The following AQR variants were observed in gnomAD, a reference collection of about 807,000 sequenced individuals.
AQR encodes RNA helicase aquarius.
Under a neutral mutation model 180.5 loss-of-function variants are expected in AQR, and 61 were observed. That is an observed-to-expected ratio of 0.34 (90% CI 0.28 to 0.42). AQR has a LOEUF of 0.42. AQR is among the 10% of genes least tolerant of loss of function. The pLI, the probability that AQR is intolerant of heterozygous loss-of-function variation, is 1.00. For synonymous variants in AQR, 551 were observed against 588.8 expected (o/e 0.94, Z 0.93); for missense variants, 1,281 against 1,798.3 (o/e 0.71, Z 5.20).
At chr15:34,919,508 TG>T (rs1893651163) in intron 14 of AQR, among the ~76,000 whole-genome samples, 1 of 152,198 alleles carries the variant, frequency 6.6e-6, no homozygotes, top group Admixed American at 6.5e-5. Context: ...TTTCTTTTGT[TG>T]GAACTATTTA....
At chr15:34,917,032 T>G (rs1373953487) in intron 15 of AQR, among the ~76,000 whole-genome samples, 1 of 152,310 alleles carries the variant, frequency 6.6e-6, no homozygotes, top group East Asian at 1.9e-4. Context: ...TACAGCTTCT[T>G]CCCTTTACCC....
At chr15:34,939,080 TG>T (rs199651070) in intron 8 of AQR, among the ~76,000 whole-genome samples, 64 of 152,238 alleles carry the variant, frequency 4.2e-4, no homozygotes, top group African/African-American at 1.5e-3. Context: ...CTGCTTTTTT[TG>T]TTTTTGAGGT....
chr15:34,873,082 CTATCTAG>C (rs1249279634), intron 30 of AQR, among the ~76,000 whole-genome samples: 2 of 151,872 alleles, frequency 1.3e-5, no homozygotes, highest in African/African-American at 2.4e-5. Context: ...TTCTTAGTGG[CTATCTAG>C]TATTTCTTTT....
At position 34,856,982 on chromosome 15, in the gene AQR, TC is replaced by T; in HGVS notation, c.4267del (p.Asp1423ThrfsTer40). On this transcript the variant is annotated frameshift_variant, in exon 35 of 35. Transcript: ENST00000156471. LOFTEE classifies it low-confidence loss of function (END_TRUNC). ...VQADIIPSPT[D>X]TSCRQETPAF... ...TGGAGTTTCTTGACGGCAGCTGGTG[TC>T]TGTTGGACTGGGTATGATGTCAGCT... The T allele has an allele frequency of 6.2e-7, 1 of 1,614,148 alleles. No individual in the cohort carries two copies. Among genetic ancestry groups the T allele is most frequent in the South Asian group, 1.1e-5 (1 of 91,078 alleles).
chr15:34,944,359 T>G lies in AQR; in HGVS notation c.400A>C (p.Thr134Pro). 6.2e-7 allele frequency: 1 copy of G among 1,611,186 alleles called. No homozygotes were observed. The highest frequency in any genetic ancestry group is 8.5e-7 in the Non-Finnish European group (1 of 1,178,832). ...TCATGAAGTGAAAATTCACCATCAG[T>G]TTCAGCTAATGCCGCCTTCAAGATG... The part of the protein sequence containing the change: ...KHILKAALAE[T>P]DGEFSLHEQT... Residue 134 changes from threonine (T) to proline (P), a missense_variant, in exon 6 of 35, where the codon ACT (threonine) becomes CCT (proline). Thr to Pro is a conservative substitution (Grantham distance 38, BLOSUM62 -1). Around this residue, in one of 9 missense-constraint regions of AQR, gnomAD observed 404 missense variants for 490.9 expected, o/e 0.82. Coordinates refer to ENST00000156471, the MANE Select transcript of AQR (RefSeq NM_014691.3).
intron 33 of AQR, among the ~76,000 whole-genome samples, chr15:34,861,136 T>G (rs1362347829): frequency 6.6e-6 from 1 of 152,218 alleles, no homozygotes; most frequent in Non-Finnish European, 1.5e-5. Flanking sequence ...AAAGGAGGAT[T>G]CAATCTCAAA....
rs376589222 is a variant in AQR at position 34,951,595 on chromosome 15, C to T, written c.209+1290G>A. 5.3e-5 allele frequency among the ~76,000 whole-genome samples: 8 copies of T among 150,298 alleles called. No homozygotes were observed. In the South Asian group the frequency reaches 1.3e-3, roughly 24 times the overall value. ...CTGAGGCAGGAGAATCGCTTCTACC[C>T]GGGAAGTGGAGGTTGCAGTGAGCCG... is the stretch of plus-strand genomic sequence containing the variant. On this transcript the variant is annotated intron_variant, in intron 4 of 34. Transcript: ENST00000156471.
chr15:34,966,814 T>C (rs1480392422), intron 1 of AQR, among the ~76,000 whole-genome samples: 1 of 152,024 alleles, frequency 6.6e-6, no homozygotes, highest in African/African-American at 2.4e-5. Flanking sequence ...AGATACTGTT[T>C]AGGCTCTTCT....
At chr15:34,914,712 C>T (rs1566988414) in intron 16 of AQR, among the ~76,000 whole-genome samples, 1 of 152,176 alleles carries the variant, frequency 6.6e-6, no homozygotes, top group African/African-American at 2.4e-5. Context: ...GCTTGGCCAA[C>T]CCCTAGCCTT....
intron 24 of AQR, among the ~76,000 whole-genome samples, chr15:34,889,077 T>C (rs897227764): frequency 1.3e-5 from 2 of 152,210 alleles, no homozygotes; most frequent in African/African-American, 4.8e-5. Context: ...ATTGTAATTA[T>C]AGTCAAATAT....
rs184526206 is a variant in AQR, at chr15:34,874,662, T to C, written c.3425+15A>G. The C allele has an allele frequency of 6.2e-6, 10 of 1,610,692 alleles. No homozygotes were observed. In the African/African-American group the frequency reaches 1.1e-4, roughly 17 times the overall value. On this transcript the variant is annotated intron_variant, in intron 29 of 34. Transcript: ENST00000156471. ...GTCCTTAAATGGGAATGATTTTTTT[T>C]CCTGTCTCTTTTACCTTGCTCTGGC...
chr15:34,932,097 A>G (rs958900054), intron 11 of AQR, among the ~76,000 whole-genome samples: 24 of 152,246 alleles, frequency 1.6e-4, no homozygotes, highest in African/African-American at 5.5e-4. Context: ...TATTCCCCAA[A>G]TCATAATTTA....
chr15:34,870,938 A>C lies in AQR; in HGVS notation c.3598-16T>G, dbSNP rs1462773478. On this transcript the variant is annotated splice_polypyrimidine_tract_variant and intron_variant, in intron 30 of 34. Coordinates refer to ENST00000156471, the MANE Select transcript of AQR (RefSeq NM_014691.3). ...CTCCAAGATTCTGTAATGCAAACAT[A>C]ATCAGACTGTGCATTCATTTGCTTT... is the stretch of plus-strand genomic sequence containing the variant. 1.9e-6 allele frequency: 3 copies of C among 1,603,064 alleles called. No homozygotes were observed. In the South Asian group the frequency reaches 3.3e-5, roughly 18 times the overall value.
chr15:34,969,539 C>G lies in AQR; in HGVS notation c.75G>C (p.Gln25His). 6.2e-7 allele frequency: 1 copy of G among 1,613,722 alleles called. No homozygotes were observed. The highest frequency in any genetic ancestry group is 8.5e-7 in the Non-Finnish European group (1 of 1,180,028). ...ACACACCAGACTCGCCCGAGCTCAC[C>G]TGGGTCACGAACTCCGCATTGATTT... The part of the protein sequence containing the change: ...VSQINAEFVT[Q>H]LACKYWAPHI... The change falls in exon 1 of 35, where the codon CAG becomes CAC. Residue 25 changes from glutamine to histidine, a missense_variant and splice_region_variant. By Grantham distance (24) the Gln-to-His change is conservative. This residue lies in a region of AQR where 404 missense variants were observed against 490.9 expected (regional missense o/e 0.82). Coordinates refer to ENST00000156471, the MANE Select transcript of AQR (RefSeq NM_014691.3).
chr15:34,940,900 G>A lies in AQR; in HGVS notation c.640C>T (p.Gln214Ter). 1 of 1,598,480 alleles carries A rather than the reference G, an allele frequency of 6.3e-7. No homozygotes were observed. The highest frequency in any genetic ancestry group is 8.6e-7 in the Non-Finnish European group (1 of 1,168,322). ...DEKMDPEAREQAYQERRFLSQ... is the reference protein window; with the variant it reads ...DEKMDPEARE ...TGAAATGAAGCTCTGCCAACATACT[G>A]TTCTCTTGCTTCTGGATCCATCTTT... Residue 214 changes from glutamine (Q) to a stop codon, truncating the protein, a stop_gained and splice_region_variant, in exon 8 of 35, where the codon CAG becomes TAG. Transcript: ENST00000156471. LOFTEE classifies it high-confidence loss of function.
At chr15:34,890,105 C>G in intron 24 of AQR, 110 bp downstream of exon 24, 1 of 913,872 alleles carries the variant, frequency 1.1e-6, no homozygotes, top group Non-Finnish European at 1.6e-6. Flanking sequence ...TAAGTTAGAA[C>G]CTTTCAGAAT....
chr15:34,934,715 T>A, intron 9 of AQR, 80 bp from the exon 10 acceptor site: 1 of 860,702 alleles, frequency 1.2e-6, no homozygotes, highest in Non-Finnish European at 1.8e-6. Flanking sequence ...GGCAGTTATT[T>A]AATAACTTAA....
chr15:34,943,739 C>T (rs765399369), intron 6 of AQR, among the ~76,000 whole-genome samples: 3 of 152,052 alleles, frequency 2.0e-5, no homozygotes, highest in Non-Finnish European at 4.4e-5. Flanking sequence ...TAAAATATTA[C>T]TGAAAATATT....
chr15:34,904,403 C>G lies in AQR; in HGVS notation c.1934G>C (p.Gly645Ala). Reference protein sequence around the residue: ...QQDMTNTIQNGAEDVYETFNI... With the variant: ...QQDMTNTIQNAAEDVYETFNI... ...AAAAGTTTCATACACATCCTCTGCT[C>G]CATTTTGTATAGTATTGGTCATATC... The change falls in exon 19 of 35, where the codon GGA becomes GCA. Residue 645 changes from glycine (G) to alanine (A), a missense_variant. Gly to Ala is a moderately conservative substitution (Grantham distance 60, BLOSUM62 0). Around this residue, in one of 9 missense-constraint regions of AQR, gnomAD observed 200 missense variants for 293.4 expected, o/e 0.68. Coordinates refer to ENST00000156471, the MANE Select transcript of AQR (RefSeq NM_014691.3). 6.2e-7 allele frequency: 1 copy of G among 1,610,068 alleles called. No homozygotes were observed. The highest frequency in any genetic ancestry group is 1.1e-5 in the South Asian group (1 of 90,280).
Sources: allele counts gnomAD v4.1 joint callset (sites outside exome capture counted in the v4.1 genomes callset), GRCh38; gene constraint gnomAD v4.1.1; regional missense constraint gnomAD v4.1.1; transcripts MANE v1.5; gene names NCBI Gene and HGNC (gene_info 2026-07-23, HGNC 2026-07-21).